Variants in CCNY observed in about 807,000 individuals in gnomAD.
The protein encoded by CCNY is cyclin-Y.
CCNY carries 19 observed loss-of-function variants against 42.8 expected under a neutral mutation model. The observed-to-expected ratio is 0.44, with a 90% CI of 0.31 to 0.65. The LOEUF (loss-of-function observed/expected upper bound fraction) is 0.65. CCNY is among the 30% of genes least tolerant of loss of function. CCNY has a pLI of 0.07. For synonymous variants in CCNY, 165 were observed against 162.7 expected, an observed-to-expected ratio of 1.01 and a Z score of -0.11; for missense variants, 370 against 437.3, an observed-to-expected ratio of 0.85 and a Z score of 1.37.
chr10:35,501,753 G>A, intron 3 of CCNY: 2 of 485,790 alleles, frequency 4.1e-6, no homozygotes, highest in Non-Finnish European at 7.4e-6. Flanking sequence ...GACCACTATT[G>A]TTCATGAGAT....
At chr10:35,451,661 A>G (rs566173197) in intron 1 of CCNY, among the ~76,000 whole-genome samples, 2 of 152,326 alleles carry the variant, frequency 1.3e-5, no homozygotes, top group East Asian at 1.9e-4. Flanking sequence ...TTGAGAATGG[A>G]CACCCACAAG....
chr10:35,271,220 T>C (rs1193836600), intron 3 of CCNY, among the ~76,000 whole-genome samples: 2 of 152,114 alleles, frequency 1.3e-5, no homozygotes, highest in Non-Finnish European at 2.9e-5. Flanking sequence ...CAGGCAGTTA[T>C]GGAAAACCAC....
At chr10:35,451,896 G>T (rs1476474330) in intron 1 of CCNY, among the ~76,000 whole-genome samples, 1 of 152,212 alleles carries the variant, frequency 6.6e-6, no homozygotes, top group Non-Finnish European at 1.5e-5. Context: ...ACACTGGCTT[G>T]AATGGCAGTG....
rs368076937 is a variant in CCNY, at chr10:35,346,241, C to T, written c.154+9034C>T. ...AAAGGAATCTAACTGGCTAGACCCA[C>T]AATTGCAGGGAGCTCAGGAGATACC... On this transcript the variant is annotated intron_variant, in intron 1 of 9. Coordinates refer to ENST00000374704, the MANE Select transcript of CCNY (RefSeq NM_145012.6). Among the ~76,000 whole-genome samples, 13 of 152,322 alleles carry T rather than the reference C, an allele frequency of 8.5e-5. No individual in the cohort carries two copies. In the East Asian group the frequency reaches 1.9e-3, roughly 23 times the overall value.
At chr10:35,295,222 C>T (rs1231165536) in intron 3 of CCNY, among the ~76,000 whole-genome samples, 1 of 141,426 alleles carries the variant, frequency 7.1e-6, no homozygotes, top group African/African-American at 2.6e-5. Context: ...AAGTTATCCC[C>T]TATAATACTT....
At chr10:35,268,241 C>A (rs572531163) in intron 3 of CCNY, among the ~76,000 whole-genome samples, 1 of 151,992 alleles carries the variant, frequency 6.6e-6, no homozygotes, top group South Asian at 2.1e-4. Context: ...ATGCCAGGTG[C>A]GGTGGCTCAC....
chr10:35,363,734 C>T (rs1160101819), intron 1 of CCNY, among the ~76,000 whole-genome samples: 4 of 152,054 alleles, frequency 2.6e-5, no homozygotes, highest in Admixed American at 6.6e-5. Flanking sequence ...TAAAAGTTTT[C>T]GTATTCCCTG....
chr10:35,411,321 T>C (rs1455044191), intron 1 of CCNY, among the ~76,000 whole-genome samples: 1 of 152,068 alleles, frequency 6.6e-6, no homozygotes, highest in Non-Finnish European at 1.5e-5. Context: ...GAGACCAGCC[T>C]GGCCAACATG....
In CCNY at chr10:35,483,412, A is replaced by T; in HGVS notation, c.163A>T (p.Met55Leu). The T allele has an allele frequency of 1.2e-6, 2 of 1,602,372 alleles. No homozygotes were observed. The highest frequency in any genetic ancestry group is 8.5e-7 in the Non-Finnish European group (1 of 1,170,702). ...SDRENIDDLN[M>L]EFNPSDHPRA... The stretch of plus-strand genomic sequence containing the variant: ...TTTTCCTTTCTTTAAAGATTTGAAC[A>T]TGGAATTCAATCCTTCAGATCATCC... The change falls in exon 2 of 10, where the codon ATG becomes TTG. Residue 55 changes from methionine (M) to leucine (L), a missense_variant. By Grantham distance (15) the Met-to-Leu change is conservative. Coordinates refer to ENST00000374704, the MANE Select transcript of CCNY (RefSeq NM_145012.6).
Position 35,569,341 on chromosome 10 carries a change from C to T in CCNY, c.*171C>T. 2 of 605,182 alleles carry T rather than the reference C, an allele frequency of 3.3e-6. No homozygotes were observed. Among genetic ancestry groups the T allele is most frequent in the Admixed American group, 2.8e-5 (1 of 36,036 alleles). The allele number at this position is 605,182 out of a possible 1,614,324, so 37.5% of individuals were successfully genotyped here. ...ATGCAGCAAGGCTTGGAGGAAGCGTCAGTGCCCTGGAGATCCCAGCTCGCT... is the reference window on the plus strand; with the variant it reads ...ATGCAGCAAGGCTTGGAGGAAGCGTTAGTGCCCTGGAGATCCCAGCTCGCT... On this transcript the variant is annotated 3_prime_UTR_variant, in exon 10 of 10. Transcript: ENST00000374704.
At chr10:35,286,814 C>T (rs917964552) in intron 3 of CCNY, among the ~76,000 whole-genome samples, 25 of 151,988 alleles carry the variant, frequency 1.6e-4, no homozygotes, top group African/African-American at 6.0e-4. Flanking sequence ...TGAGCACCAT[C>T]AAGCCTGGCT....
chr10:35,562,037 T>C (rs1841477016), intron 8 of CCNY, among the ~76,000 whole-genome samples: 2 of 152,144 alleles, frequency 1.3e-5, no homozygotes, highest in African/African-American at 4.8e-5. Flanking sequence ...TGGCAACCGC[T>C]GTGGATGGGG....
chr10:35,388,017 A>G (rs1837334005), intron 1 of CCNY, among the ~76,000 whole-genome samples: 1 of 152,184 alleles, frequency 6.6e-6, no homozygotes. Flanking sequence ...AGTGTCCAGG[A>G]GGAAGCAGCC....
At chr10:35,318,079 T>C (rs899012652) in intron 3 of CCNY, among the ~76,000 whole-genome samples, 2 of 151,896 alleles carry the variant, frequency 1.3e-5, no homozygotes, top group African/African-American at 4.8e-5. Context: ...AATTTCAAAA[T>C]TGGCAGAGCG....
chr10:35,291,817 G>T lies in CCNY; in HGVS notation c.-9+41191G>T, dbSNP rs375874821. Reference sequence around the variant, plus strand: ...CCCAAAGTGCTGGGATTACAGGCATGAGCCACCGTGCCCAGCTTGTGTATG... The same window carrying T: ...CCCAAAGTGCTGGGATTACAGGCATTAGCCACCGTGCCCAGCTTGTGTATG... On this transcript the variant is annotated intron_variant, in intron 3 of 11. Coordinates refer to the CCNY transcript ENST00000374706. 5.9e-5 allele frequency among the ~76,000 whole-genome samples: 9 copies of T among 152,294 alleles called. No homozygotes were observed. The East Asian group carries it at 1.2e-3, about 20-fold the overall frequency.
intron 3 of CCNY, among the ~76,000 whole-genome samples, chr10:35,266,249 C>CTTTTTTTTTTTT (rs773886027): frequency 8.3e-4 from 91 of 110,088 alleles, no homozygotes; most frequent in Non-Finnish European, 1.1e-3. Flanking sequence ...GGCTAATTTC[C>CTTTTTTTTTTTT]TTTTTTTTTT....
At chr10:35,506,984 G>C (rs1268134645) in intron 3 of CCNY, among the ~76,000 whole-genome samples, 6 of 152,170 alleles carry the variant, frequency 3.9e-5, no homozygotes, top group Admixed American at 2.6e-4. Context: ...GCCATTCCCA[G>C]AGTTAGGGGA....
chr10:35,367,148 C>CT (rs920144832), intron 1 of CCNY, among the ~76,000 whole-genome samples: 5 of 152,098 alleles, frequency 3.3e-5, no homozygotes, highest in Non-Finnish European at 7.4e-5. Flanking sequence ...TTAAAACCTG[C>CT]TTTTTTTACA....
At chr10:35,524,822 A>C (rs1338671015) in intron 4 of CCNY, among the ~76,000 whole-genome samples, 1 of 152,244 alleles carries the variant, frequency 6.6e-6, no homozygotes, top group African/African-American at 2.4e-5. Flanking sequence ...GTTGGAGACC[A>C]CTTGGTCAAA....
Sources: allele counts gnomAD v4.1 joint callset (sites outside exome capture counted in the v4.1 genomes callset), GRCh38; gene constraint gnomAD v4.1.1; transcripts MANE v1.5; gene names NCBI Gene and HGNC (gene_info 2026-07-23, HGNC 2026-07-21).